Variants in PDE11A observed in about 807,000 individuals in gnomAD.
PDE11A encodes phosphodiesterase 11A.
Under a neutral mutation model 100.5 loss-of-function variants are expected in PDE11A, and 100 were observed. The observed-to-expected ratio is 1.00, with a 90% confidence interval of 0.85 to 1.18. The LOEUF is 1.18. Among genes scored for constraint, PDE11A ranks in the 50% most tolerant of loss-of-function variants. The probability of loss-of-function intolerance (pLI) is 0.00; values close to 1 mark genes in which losing one functional copy is unlikely to be tolerated. For missense variants in PDE11A, 1,141 were observed against 1,152.6 expected (o/e 0.99, Z 0.15); for synonymous variants, 381 against 420.8 (o/e 0.91, Z 1.16).
rs762405282 is a variant in PDE11A, at chr2:178,071,981, G to C, written c.457C>G (p.Arg153Gly). Residue 153 changes from arginine (R) to glycine (G), a missense_variant, in exon 1 of 20, where the codon CGA (arginine) becomes GGA (glycine). Arg to Gly is a moderately radical substitution (Grantham distance 125, BLOSUM62 -2). Coordinates refer to ENST00000286063, the MANE Select transcript of PDE11A (RefSeq NM_016953.4). ...GCCTTCCGGAGAAGTGCCCTCCGTCGTACACTACTCAGGGGTTCCTGAGCC... is the reference window on the plus strand; with the variant it reads ...GCCTTCCGGAGAAGTGCCCTCCGTCCTACACTACTCAGGGGTTCCTGAGCC... ...SRAQEPLSSV[R>G]RRALLRKASS... is the part of the protein sequence containing the mutation. 3.2e-5 allele frequency: 51 copies of C among 1,613,876 alleles called. No homozygotes were observed. In the South Asian group the frequency reaches 4.7e-4, roughly 15 times the overall value.
In PDE11A at chr2:178,071,983, A is replaced by C. The variant is rs2087138885; in HGVS notation, c.455T>G (p.Val152Gly). 1 of 1,613,938 alleles carries C rather than the reference A, an allele frequency of 6.2e-7. No individual in the cohort carries two copies. The highest frequency in any genetic ancestry group is 1.3e-5 in the African/African-American group (1 of 74,904). The change falls in exon 1 of 20, where the codon GTA (valine) becomes GGA (glycine). Residue 152 changes from valine to glycine, a missense_variant. Transcript: ENST00000286063. ...CTTCCGGAGAAGTGCCCTCCGTCGT[A>C]CACTACTCAGGGGTTCCTGAGCCCG... ...TSRAQEPLSSVRRRALLRKAS... is the reference protein window; with the variant it reads ...TSRAQEPLSSGRRRALLRKAS...
At chr2:177,735,223 T>G (rs1239197461) in intron 10 of PDE11A, among the ~76,000 whole-genome samples, 1 of 152,144 alleles carries the variant, frequency 6.6e-6, no homozygotes, top group South Asian at 2.1e-4. Flanking sequence ...TTCCAAACTG[T>G]CATTAAACCT....
chr2:177,944,851 C>A (rs536805271), intron 2 of PDE11A, among the ~76,000 whole-genome samples: 10 of 147,178 alleles, frequency 6.8e-5, no homozygotes, highest in Admixed American at 1.4e-4. Context: ...TCTCCCTCTC[C>A]CTCTCCCCAC....
intron 2 of PDE11A, among the ~76,000 whole-genome samples, chr2:178,002,889 A>T (rs554705115): frequency 4.6e-5 from 7 of 152,266 alleles, no homozygotes; most frequent in Non-Finnish European, 8.8e-5. Flanking sequence ...GGAGAGAAAA[A>T]TGAGTGAAAT....
intron 6 of PDE11A, among the ~76,000 whole-genome samples, chr2:177,824,873 A>G (rs6705118): frequency 0.37 from 55,972 of 152,006 alleles, 11,104 homozygotes; most frequent in African/African-American, 0.51. Flanking sequence ...ATACAAAAGC[A>G]TATTATATAC....
chr2:177,737,268 TA>T (rs1163877830), intron 10 of PDE11A, among the ~76,000 whole-genome samples: 1 of 143,794 alleles, frequency 7.0e-6, no homozygotes, highest in East Asian at 2.1e-4. Flanking sequence ...AATAAATAAA[TA>T]AAATAAAATA....
chr2:177,657,251 T>C (rs919402545), intron 19 of PDE11A, among the ~76,000 whole-genome samples: 4 of 152,212 alleles, frequency 2.6e-5, no homozygotes, highest in Non-Finnish European at 5.9e-5. Context: ...TTTGGGTACA[T>C]TATTATGTAA....
At chr2:178,020,555 G>A (rs1180861560) in intron 1 of PDE11A, among the ~76,000 whole-genome samples, 1 of 152,158 alleles carries the variant, frequency 6.6e-6, no homozygotes, top group Non-Finnish European at 1.5e-5. Flanking sequence ...ACTTTGGGAG[G>A]CCAAGGTGGG....
intron 19 of PDE11A, among the ~76,000 whole-genome samples, chr2:177,641,478 T>C (rs558406042): frequency 2.0e-5 from 3 of 148,898 alleles, no homozygotes; most frequent in Non-Finnish European, 4.4e-5. Context: ...AGGAGAGAGC[T>C]AAAATGTTAG....
upstream of PDE11A, among the ~76,000 whole-genome samples, chr2:178,077,253 TTTC>T (rs1239566047): frequency 1.6e-5 from 1 of 61,236 alleles, no homozygotes; most frequent in African/African-American, 4.4e-5. Flanking sequence ...TTTTCTTTTC[TTTC>T]TTTCTTTTTT....
Position 178,020,776 on chromosome 2 carries a change from C to T in PDE11A, c.913-6316G>A, listed in dbSNP as rs543164440. ...TTGCGCCACTGCACTCCAGACTGGG[C>T]GACAGAGCAAGACTCTGTCTCAAAA... On this transcript the variant is annotated intron_variant, in intron 1 of 19. Transcript: ENST00000286063. Among the ~76,000 whole-genome samples, 316 of 151,960 alleles carry T rather than the reference C, an allele frequency of 2.1e-3. 1 individual carries two copies. Among genetic ancestry groups the T allele is most frequent in the African/African-American group, 6.7e-3 (277 of 41,462 alleles).
rs536056249 is a variant in PDE11A, at chr2:178,094,253, G to C, written c.162+10049C>G. 2.2e-4 allele frequency among the ~76,000 whole-genome samples: 33 copies of C among 152,082 alleles called. No homozygotes were observed. In the East Asian group the frequency reaches 5.2e-3, roughly 24 times the overall value. On this transcript the variant is annotated intron_variant, in intron 2 of 20. Transcript: ENST00000358450. The stretch of plus-strand genomic sequence containing the variant: ...ATATGAAAAACAAAAGTTAGGCCAG[G>C]CATGGTGGCTCACACCTGCAATCCC...
chr2:177,961,521 G>A (rs2085632697), intron 2 of PDE11A, among the ~76,000 whole-genome samples: 1 of 151,716 alleles, frequency 6.6e-6, no homozygotes, highest in Non-Finnish European at 1.5e-5. Flanking sequence ...GTTACGTTTT[G>A]GTCTTTATTA....
intron 19 of PDE11A, among the ~76,000 whole-genome samples, chr2:177,656,111 A>G (rs1051009511): frequency 6.6e-6 from 1 of 152,248 alleles, no homozygotes; most frequent in Non-Finnish European, 1.5e-5. Flanking sequence ...ACTCCAGATT[A>G]TGGGCAGGAA....
At chr2:177,746,090 C>T (rs1287710207) in intron 10 of PDE11A, among the ~76,000 whole-genome samples, 1 of 152,086 alleles carries the variant, frequency 6.6e-6, no homozygotes, top group Non-Finnish European at 1.5e-5. Flanking sequence ...AGCCACCAGA[C>T]AGAAATAGAG....
At chr2:177,853,939 T>C (rs906880671) in intron 5 of PDE11A, among the ~76,000 whole-genome samples, 2 of 147,874 alleles carry the variant, frequency 1.4e-5, no homozygotes, top group East Asian at 2.0e-4. Flanking sequence ...TATATGTGTG[T>C]ATATATATCT....
At chr2:177,927,171 T>C (rs1192703988) in intron 2 of PDE11A, among the ~76,000 whole-genome samples, 1 of 152,166 alleles carries the variant, frequency 6.6e-6, no homozygotes, top group Non-Finnish European at 1.5e-5. Context: ...AAACAATAGC[T>C]CTCTTCCTTT....
At chr2:177,840,735 T>G (rs979796979) in intron 5 of PDE11A, among the ~76,000 whole-genome samples, 3 of 152,200 alleles carry the variant, frequency 2.0e-5, no homozygotes, top group African/African-American at 7.2e-5. Context: ...TTGCCCTTTT[T>G]AATTGAACAG....
chr2:177,863,056 G>A (rs72948830), intron 5 of PDE11A, among the ~76,000 whole-genome samples: 9,383 of 151,824 alleles, frequency 0.062, 410 homozygotes, highest in Middle Eastern at 0.096. Context: ...AATTTATGAT[G>A]AAAGCACCAA....
Sources: allele counts gnomAD v4.1 joint callset (sites outside exome capture counted in the v4.1 genomes callset), GRCh38; gene constraint gnomAD v4.1.1; transcripts MANE v1.5; gene names NCBI Gene and HGNC (gene_info 2026-07-23, HGNC 2026-07-21).